ARHGAP24: variants seen among roughly 807,000 people sequenced by gnomAD.
ARHGAP24 encodes the protein Rho GTPase activating protein 24.
Under a neutral mutation model 76.4 loss-of-function variants are expected in ARHGAP24, and 50 were observed. That is an observed-to-expected ratio of 0.65 (90% CI 0.52 to 0.83). The LOEUF (loss-of-function observed/expected upper bound fraction) is 0.83. Among genes scored for constraint, ARHGAP24 ranks in the 40% least tolerant of loss-of-function variants. The probability of loss-of-function intolerance (pLI) is 0.00; values close to 1 mark genes in which losing one functional copy is unlikely to be tolerated. For synonymous variants in ARHGAP24, 345 were observed against 323.3 expected (o/e 1.07, Z -0.72); for missense variants, 930 against 914.2 (o/e 1.02, Z -0.22).
intron 1 of ARHGAP24, among the ~76,000 whole-genome samples, chr4:85,562,842 A>G (rs1726651701): frequency 1.3e-5 from 2 of 152,236 alleles, no homozygotes; most frequent in African/African-American, 4.8e-5. Flanking sequence ...ATTTAGCAAG[A>G]AAGAATGACA....
intron 1 of ARHGAP24, among the ~76,000 whole-genome samples, chr4:85,528,244 T>C (rs1025533898): frequency 6.6e-6 from 1 of 152,016 alleles, no homozygotes. Context: ...ACCACATCAG[T>C]TGGGTTTATA....
chr4:85,861,951 G>A (rs895204772), intron 3 of ARHGAP24, among the ~76,000 whole-genome samples: 1 of 152,040 alleles, frequency 6.6e-6, no homozygotes, highest in African/African-American at 2.4e-5. Flanking sequence ...ACAATCATAA[G>A]CTTGAATATA....
intron 2 of ARHGAP24, among the ~76,000 whole-genome samples, chr4:85,686,954 C>T (rs1031979406): frequency 1.3e-5 from 2 of 151,994 alleles, no homozygotes; most frequent in African/African-American, 4.8e-5. Context: ...ATGTAGTAAT[C>T]TTACCATTAA....
chr4:85,733,154 C>T (rs970818627), intron 3 of ARHGAP24, among the ~76,000 whole-genome samples: 1 of 141,066 alleles, frequency 7.1e-6, no homozygotes, highest in African/African-American at 2.6e-5. Context: ...AGCTCTGCCT[C>T]CCGGGTTCAC....
At chr4:85,701,221 T>C (rs1477797580) in intron 2 of ARHGAP24, among the ~76,000 whole-genome samples, 1 of 152,242 alleles carries the variant, frequency 6.6e-6, no homozygotes, top group Non-Finnish European at 1.5e-5. Context: ...AAACACATTT[T>C]ATCTTCCTAA....
At chr4:85,990,453 G>A (rs1197027001) in intron 8 of ARHGAP24, 1 of 151,670 alleles carries the variant, frequency 6.6e-6, no homozygotes, top group East Asian at 1.9e-4. Context: ...GTTTTACAGG[G>A]AAATAAAAGC....
chr4:85,589,654 T>A (rs1431451107), intron 2 of ARHGAP24, among the ~76,000 whole-genome samples: 1 of 152,228 alleles, frequency 6.6e-6, no homozygotes, highest in African/African-American at 2.4e-5. Flanking sequence ...CGCTTCCCAA[T>A]ATCAAGCTAT....
At chr4:85,730,536 A>T (rs1189624149) in intron 3 of ARHGAP24, among the ~76,000 whole-genome samples, 1 of 152,080 alleles carries the variant, frequency 6.6e-6, no homozygotes, top group African/African-American at 2.4e-5. Context: ...CCTCCCGAGT[A>T]GTAGCTGGAA....
chr4:85,553,198 C>CG (rs1726214722), intron 1 of ARHGAP24, among the ~76,000 whole-genome samples: 1 of 152,080 alleles, frequency 6.6e-6, no homozygotes, highest in Non-Finnish European at 1.5e-5. Context: ...AGTGTTACAG[C>CG]TCATAAAGGT....
At chr4:85,848,451 G>T (rs58201469) in intron 3 of ARHGAP24, among the ~76,000 whole-genome samples, 12,560 of 152,156 alleles carry the variant, frequency 0.083, 759 homozygotes, top group African/African-American at 0.15. Context: ...TTCTGTCCTT[G>T]CAATAGTTTG....
chr4:85,660,128 A>G (rs1722322829), intron 2 of ARHGAP24, among the ~76,000 whole-genome samples: 3 of 152,116 alleles, frequency 2.0e-5, no homozygotes, highest in Admixed American at 6.6e-5. Flanking sequence ...AGTGCCTTCA[A>G]TTGAATTTCT....
chr4:85,740,966 G>A (rs1422512982), intron 3 of ARHGAP24, among the ~76,000 whole-genome samples: 6 of 152,194 alleles, frequency 3.9e-5, no homozygotes, highest in African/African-American at 1.4e-4. Context: ...ATTTAACAGT[G>A]CTTGTATTCT....
intron 2 of ARHGAP24, among the ~76,000 whole-genome samples, chr4:85,613,737 C>A (rs574593463): frequency 1.6e-4 from 24 of 152,296 alleles, no homozygotes; most frequent in Middle Eastern, 6.8e-3. Flanking sequence ...TATTTTCTGT[C>A]TCCAAATTAT....
At chr4:85,856,253 T>C (rs1731552715) in intron 3 of ARHGAP24, among the ~76,000 whole-genome samples, 1 of 152,142 alleles carries the variant, frequency 6.6e-6, no homozygotes, top group African/African-American at 2.4e-5. Flanking sequence ...GGCCATTCAC[T>C]AGTGTCATTT....
At chr4:85,901,389 C>CA (rs919133191) in intron 3 of ARHGAP24, among the ~76,000 whole-genome samples, 77 of 147,906 alleles carry the variant, frequency 5.2e-4, no homozygotes, top group Middle Eastern at 3.5e-3. Flanking sequence ...AAACAAACAA[C>CA]AAAAAAAAAA....
intron 3 of ARHGAP24, among the ~76,000 whole-genome samples, chr4:85,882,268 C>A (rs1219215645): frequency 1.3e-5 from 2 of 152,090 alleles, no homozygotes; most frequent in African/African-American, 4.8e-5. Context: ...TCAGTTTCCT[C>A]TTCTTTAAAA....
At chr4:85,946,168 A>AC (rs1257141735) in intron 5 of ARHGAP24, among the ~76,000 whole-genome samples, 1 of 152,010 alleles carries the variant, frequency 6.6e-6, no homozygotes, top group African/African-American at 2.4e-5. Context: ...TGATTCAACC[A>AC]CCTCCCACCA....
intron 3 of ARHGAP24, among the ~76,000 whole-genome samples, chr4:85,729,085 A>C (rs1372618303): frequency 6.6e-6 from 1 of 152,066 alleles, no homozygotes; most frequent in Non-Finnish European, 1.5e-5. Context: ...GTTAAAATCC[A>C]TGCAATTATA....
At chr4:85,583,929 A>T (rs1469877939) in intron 2 of ARHGAP24, among the ~76,000 whole-genome samples, 5 of 114,230 alleles carry the variant, frequency 4.4e-5, no homozygotes, top group Admixed American at 1.1e-4. Context: ...AATCGTTAAA[A>T]AGTCAGGAAA....
Sources: allele counts gnomAD v4.1 joint callset (sites outside exome capture counted in the v4.1 genomes callset), GRCh38; gene constraint gnomAD v4.1.1; transcripts MANE v1.5; gene names NCBI Gene and HGNC (gene_info 2026-07-23, HGNC 2026-07-21).